Variants in TCF4 observed in about 807,000 individuals in gnomAD.
The protein encoded by TCF4 is transcription factor 4, also known as SL3-3 enhancer factor 2.
Under a neutral mutation model 82.1 loss-of-function variants are expected in TCF4, and 3 were observed. That is an observed-to-expected ratio of 0.04 (90% CI 0.02 to 0.09). TCF4 has a LOEUF of 0.09. Ranked by LOEUF, TCF4 falls within the 10% of genes least tolerant of loss-of-function variation. The pLI is 1.00. For missense variants in TCF4, 518 were observed against 852.7 expected, an observed-to-expected ratio of 0.61 and a Z score of 4.89; for synonymous variants, 276 against 309.6, an observed-to-expected ratio of 0.89 and a Z score of 1.14.
chr18:55,307,064 T>C (rs1476380147), intron 8 of TCF4, among the ~76,000 whole-genome samples: 1 of 152,214 alleles, frequency 6.6e-6, no homozygotes, highest in Non-Finnish European at 1.5e-5. Flanking sequence ...AAAATCCAGT[T>C]GCAAAATTTT....
chr18:55,548,145 G>T (rs1335723112), intron 3 of TCF4, among the ~76,000 whole-genome samples: 1 of 152,214 alleles, frequency 6.6e-6, no homozygotes, highest in East Asian at 1.9e-4. Flanking sequence ...TGTGTGAAAT[G>T]ATTTGCTGGG....
At chr18:55,302,644 C>T in intron 8 of TCF4, 1 of 1,486,176 alleles carries the variant, frequency 6.7e-7, no homozygotes, top group South Asian at 1.3e-5. Context: ...CAGATGTCCG[C>T]TGTGAGGCCT....
intron 3 of TCF4, among the ~76,000 whole-genome samples, chr18:55,568,583 T>C (rs2097430873): frequency 6.6e-6 from 1 of 151,896 alleles, no homozygotes; most frequent in Admixed American, 6.6e-5. Flanking sequence ...AAAGTAAAGC[T>C]CTCACTCTCA....
chr18:55,298,536 A>T (rs2067186889), intron 8 of TCF4, among the ~76,000 whole-genome samples: 1 of 152,180 alleles, frequency 6.6e-6, no homozygotes, highest in South Asian at 2.1e-4. Flanking sequence ...AGCAAATTAA[A>T]CTTCTCAGTA....
chr18:55,384,727 C>T (rs2092422737), intron 6 of TCF4, among the ~76,000 whole-genome samples: 1 of 151,552 alleles, frequency 6.6e-6, no homozygotes, highest in South Asian at 2.1e-4. Flanking sequence ...TCTTTTTCTC[C>T]TCTAGCCACC....
chr18:55,413,056 A>G (rs912272199), intron 5 of TCF4, among the ~76,000 whole-genome samples: 1 of 152,222 alleles, frequency 6.6e-6, no homozygotes, highest in Non-Finnish European at 1.5e-5. Context: ...TACAGTGAAC[A>G]AGAATATAAC....
intron 3 of TCF4, among the ~76,000 whole-genome samples, chr18:55,576,821 C>G (rs2097531756): frequency 6.6e-6 from 1 of 152,090 alleles, no homozygotes; most frequent in Admixed American, 6.6e-5. Flanking sequence ...TACAGCCTAA[C>G]ACAAACTCGT....
At chr18:55,340,561 G>A (rs997542323) in intron 8 of TCF4, among the ~76,000 whole-genome samples, 7 of 140,766 alleles carry the variant, frequency 5.0e-5, no homozygotes, top group Admixed American at 1.5e-4. Context: ...TCCAACCTAG[G>A]TGACAGAGCA....
chr18:55,358,777 A>G (rs983685615), intron 6 of TCF4, among the ~76,000 whole-genome samples: 1 of 152,220 alleles, frequency 6.6e-6, no homozygotes, highest in African/African-American at 2.4e-5. Flanking sequence ...GTAGGGTCAG[A>G]CAAGCCCTGG....
At chr18:55,588,854 G>C (rs75650661), upstream of TCF4, among the ~76,000 whole-genome samples, 1 of 151,860 alleles carries the variant, frequency 6.6e-6, no homozygotes, top group Non-Finnish European at 1.5e-5. Context: ...AAAAAAAAGG[G>C]CAATTTTTGG....
At chr18:55,608,376 T>TG (rs2097704103) in intron 2 of TCF4, among the ~76,000 whole-genome samples, 1 of 150,874 alleles carries the variant, frequency 6.6e-6, no homozygotes, top group Admixed American at 6.6e-5. Flanking sequence ...AGTATTTTTT[T>TG]TTTTTTTTTT....
chr18:55,368,201 C>G (rs967016039), intron 6 of TCF4, among the ~76,000 whole-genome samples: 3 of 152,166 alleles, frequency 2.0e-5, no homozygotes, highest in Non-Finnish European at 2.9e-5. Flanking sequence ...GCCTGGCCAA[C>G]ATGGAGAAAC....
intron 3 of TCF4, among the ~76,000 whole-genome samples, chr18:55,478,520 G>T (rs578077290): frequency 2.0e-5 from 3 of 152,248 alleles, no homozygotes; most frequent in African/African-American, 7.2e-5. Context: ...ACTCAAAACT[G>T]TTGGGCCAAA....
At chr18:55,235,053 A>C (rs1027958632) in intron 15 of TCF4, among the ~76,000 whole-genome samples, 2 of 152,090 alleles carry the variant, frequency 1.3e-5, no homozygotes, top group Non-Finnish European at 2.9e-5. Context: ...GAGCTTCTCA[A>C]TTCCCCCATT....
At position 55,228,744 on chromosome 18, in the gene TCF4, G is replaced by A. The variant is rs1599365793; in HGVS notation, c.1879+103C>T. On this transcript the variant is annotated intron_variant, in intron 18 of 19. Coordinates refer to ENST00000354452, the MANE Select transcript of TCF4 (RefSeq NM_001083962.2). Reference sequence around the variant, plus strand: ...GAAACAATTCTTTGGAATGATGCTTGAAAGTCTACTGTCTGCCACTGCTCA... The same window carrying A: ...GAAACAATTCTTTGGAATGATGCTTAAAAGTCTACTGTCTGCCACTGCTCA... 37 of 1,190,516 alleles carry A rather than the reference G, an allele frequency of 3.1e-5. No individual in the cohort carries two copies. In the East Asian group the frequency reaches 9.2e-4, roughly 30 times the overall value. 73.7% of individuals were successfully genotyped at this position (1,190,516 alleles called of 1,614,324 possible).
intron 3 of TCF4, among the ~76,000 whole-genome samples, chr18:55,542,087 G>A (rs2097169364): frequency 6.6e-6 from 1 of 151,976 alleles, no homozygotes; most frequent in African/African-American, 2.4e-5. Flanking sequence ...ATCTATAAAT[G>A]TGAATGTGTA....
intron 2 of TCF4, 176 bp from the exon 3 acceptor site, chr18:55,585,528 C>G (rs952905254): frequency 5.9e-6 from 4 of 683,392 alleles, no homozygotes; most frequent in Non-Finnish European, 7.4e-6. Flanking sequence ...CAGATCCCAC[C>G]CCAGCCCCCA....
intron 3 of TCF4, among the ~76,000 whole-genome samples, chr18:55,485,521 A>G (rs1254577089): frequency 6.6e-6 from 1 of 152,128 alleles, no homozygotes; most frequent in Non-Finnish European, 1.5e-5. Context: ...ATAATTCCCC[A>G]TTTAACCCTT....
intron 15 of TCF4, among the ~76,000 whole-genome samples, chr18:55,238,435 C>T (rs1197053706): frequency 6.6e-6 from 1 of 152,132 alleles, no homozygotes; most frequent in Non-Finnish European, 1.5e-5. Context: ...TCATGCCTGT[C>T]ACTTTGGGAG....
Sources: allele counts gnomAD v4.1 joint callset (sites outside exome capture counted in the v4.1 genomes callset), GRCh38; gene constraint gnomAD v4.1.1; transcripts MANE v1.5; gene names NCBI Gene and HGNC (gene_info 2026-07-23, HGNC 2026-07-21).